The following CFAP58 variants were observed in gnomAD, a reference collection of about 807,000 sequenced individuals.
CFAP58 encodes cilia- and flagella-associated protein 58.
A neutral mutation model predicts 119.5 loss-of-function variants in CFAP58; 88 were observed. That is an observed-to-expected ratio of 0.74 (90% CI 0.62 to 0.88). The LOEUF is 0.88. Among genes scored for constraint, CFAP58 ranks in the 40% least tolerant of loss-of-function variants. The pLI is 0.00. For synonymous variants in CFAP58, 365 were observed against 366.3 expected (o/e 1.00, Z 0.04); for missense variants, 990 against 1,021.2 (o/e 0.97, Z 0.42).
upstream of CFAP58, chr10:104,353,646 T>C (rs2014497013): frequency 7.9e-6 from 4 of 505,386 alleles, no homozygotes; most frequent in South Asian, 8.7e-5. Flanking sequence ...CCCATTGGGA[T>C]ATATTTGCAT....
At chr10:104,344,761 G>C in the CFAP58 span, among the ~76,000 whole-genome samples, 1 of 152,046 alleles carries the variant, frequency 6.6e-6, no homozygotes, top group South Asian at 2.1e-4. Context: ...GCCTCAAAAA[G>C]CACCTGTTCC....
intron 16 of CFAP58, 102 bp downstream of exon 16, chr10:104,447,919 A>C: frequency 7.2e-7 from 1 of 1,395,840 alleles, no homozygotes; most frequent in Non-Finnish European, 9.6e-7. Context: ...CAGTCTCTCA[A>C]TGCCACGATC....
chr10:104,400,901 C>G lies in CFAP58; in HGVS notation c.2037C>G (p.Leu679=). 6.2e-7 allele frequency: 1 copy of G among 1,612,562 alleles called. No individual in the cohort carries two copies. The highest frequency in any genetic ancestry group is 8.5e-7 in the Non-Finnish European group (1 of 1,178,768). ...GGAGTATGGCTAATGTTGAAGAACTCAGGTAATAGATTATAGAACTCAGGG... is the reference window on the plus strand; with the variant it reads ...GGAGTATGGCTAATGTTGAAGAACTGAGGTAATAGATTATAGAACTCAGGG... ...LARSMANVEE[L]RQEFFHMQRE... The change falls in exon 13 of 18, where the codon CTC becomes CTG. Residue 679 remains leucine, a splice_region_variant and synonymous_variant. Transcript: ENST00000369704.
At chr10:104,403,958 C>G in intron 14 of CFAP58, 118 bp downstream of exon 14, 1 of 565,656 alleles carries the variant, frequency 1.8e-6, no homozygotes, top group Non-Finnish European at 3.2e-6. Flanking sequence ...CAAATTGTCA[C>G]CTAAAATGTA....
rs140493035 is a variant in CFAP58 at position 104,381,376 on chromosome 10, T to G, written c.1365+1156T>G. ...AGCATGAGTGGTTAAAATAGTACTC[T>G]CTTTAATGCATTCATAGATGGCATA... On this transcript the variant is annotated intron_variant, in intron 9 of 17. Coordinates refer to ENST00000369704, the MANE Select transcript of CFAP58 (RefSeq NM_001008723.2). 1.9e-3 allele frequency among the ~76,000 whole-genome samples: 285 copies of G among 152,212 alleles called. 1 individual carries two copies. Among genetic ancestry groups the G allele is most frequent in the African/African-American group, 6.7e-3 (278 of 41,474 alleles).
rs2014720739 is a variant in CFAP58 at position 104,364,819 on chromosome 10, T to C, written c.527T>C (p.Leu176Pro). 1 of 1,612,906 alleles carries C rather than the reference T, an allele frequency of 6.2e-7. No individual in the cohort carries two copies. The highest frequency in any genetic ancestry group is 1.7e-5 in the Admixed American group (1 of 59,756). ...LSEVVKLRES[L>P]AQTTEQQQET... The stretch of plus-strand genomic sequence containing the variant: ...GAAGTGGTAAAATTACGAGAATCCC[T>C]AGCTCAGACCACTGAACAGCAGCAG... Residue 176 changes from leucine (L) to proline (P), a missense_variant, in exon 4 of 18, where the codon CTA becomes CCA. By Grantham distance (98) the Leu-to-Pro change is moderately conservative (BLOSUM62 -3). Coordinates refer to ENST00000369704, the MANE Select transcript of CFAP58 (RefSeq NM_001008723.2).
chr10:104,442,136 G>A (rs1196349064), intron 15 of CFAP58, among the ~76,000 whole-genome samples: 1 of 152,048 alleles, frequency 6.6e-6, no homozygotes, highest in African/African-American at 2.4e-5. Flanking sequence ...GGATGGTAGT[G>A]GGGGGATGGA....
chr10:104,437,948 T>C (rs1486624816), intron 15 of CFAP58, among the ~76,000 whole-genome samples: 4 of 151,968 alleles, frequency 2.6e-5, no homozygotes, highest in South Asian at 4.1e-4. Flanking sequence ...CCAGAATATA[T>C]AAATAATTAC....
intron 9 of CFAP58, among the ~76,000 whole-genome samples, chr10:104,389,709 C>A (rs1445095518): frequency 6.6e-6 from 1 of 152,108 alleles, no homozygotes; most frequent in East Asian, 1.9e-4. Context: ...ATCATGCGTG[C>A]TTTTACAGTG....
chr10:104,410,850 C>A (rs2133055054), intron 15 of CFAP58, among the ~76,000 whole-genome samples: 1 of 152,150 alleles, frequency 6.6e-6, no homozygotes, highest in South Asian at 2.1e-4. Context: ...TTTTCTTATT[C>A]TTTTTTCCTA....
At chr10:104,376,096 A>G (rs2011653140) in intron 7 of CFAP58, among the ~76,000 whole-genome samples, 1 of 152,218 alleles carries the variant, frequency 6.6e-6, no homozygotes, top group African/African-American at 2.4e-5. Flanking sequence ...TTTTTCCCAC[A>G]AGAGACTTCG....
At chr10:104,398,083 C>A (rs1182892699) in intron 11 of CFAP58, among the ~76,000 whole-genome samples, 2 of 152,234 alleles carry the variant, frequency 1.3e-5, no homozygotes, top group African/African-American at 2.4e-5. Context: ...CTAACACATA[C>A]CCTTCCATGT....
chr10:104,447,869 G>A (rs1185847488), intron 16 of CFAP58, 52 bp downstream of exon 16: 27 of 1,536,232 alleles, frequency 1.8e-5, no homozygotes, highest in Non-Finnish European at 2.4e-5. Context: ...ACACTCTGGG[G>A]AGCACACCTG....
intron 15 of CFAP58, among the ~76,000 whole-genome samples, chr10:104,434,077 C>A (rs1283867092): frequency 1.3e-5 from 2 of 152,112 alleles, no homozygotes; most frequent in Non-Finnish European, 2.9e-5. Flanking sequence ...AGTGTGTGAT[C>A]CTGGGCAAAT....
intron 15 of CFAP58, among the ~76,000 whole-genome samples, chr10:104,414,211 T>G (rs2133059289): frequency 6.6e-6 from 1 of 152,316 alleles, no homozygotes; most frequent in East Asian, 1.9e-4. Flanking sequence ...ATGCAGATTT[T>G]TATGTTCAAT....
chr10:104,364,948 A>G, intron 4 of CFAP58, 59 bp downstream of exon 4: 1 of 1,556,058 alleles, frequency 6.4e-7, no homozygotes, highest in Non-Finnish European at 8.7e-7. Flanking sequence ...TTGTCCCTCC[A>G]CAGTCTCTAT....
the CFAP58 span, among the ~76,000 whole-genome samples, chr10:104,346,214 C>T: frequency 3.3e-5 from 5 of 152,124 alleles, no homozygotes; most frequent in East Asian, 3.9e-4. Context: ...TCACTCATTA[C>T]CTCTGCACCA....
Position 104,454,433 on chromosome 10 carries a change from C to T in CFAP58, c.2522C>T (p.Thr841Ile). The change falls in exon 18 of 18, where the codon ACA (threonine) becomes ATA (isoleucine). Residue 841 changes from threonine to isoleucine, a missense_variant. By Grantham distance (89) the Thr-to-Ile change is moderately conservative (BLOSUM62 -1). Coordinates refer to ENST00000369704, the MANE Select transcript of CFAP58 (RefSeq NM_001008723.2). ...RKEQLQKNKD[T>I]APMDNTFLMV... ...CTCCTCTCTTACAGAAACAAGGACA[C>T]AGCACCCATGGATAACACCTTCTTA... is the stretch of plus-strand genomic sequence containing the variant. The T allele has an allele frequency of 1.9e-6, 3 of 1,613,296 alleles. No individual in the cohort carries two copies. Among genetic ancestry groups the T allele is most frequent in the Non-Finnish European group, 2.5e-6 (3 of 1,179,322 alleles).
In CFAP58 at chr10:104,447,803, A is replaced by C. The variant is rs1564907801; in HGVS notation, c.2362A>C (p.Lys788Gln). The change falls in exon 16 of 18, where the codon AAG becomes CAG. Residue 788 changes from lysine to glutamine, a missense_variant. Lys to Gln is a moderately conservative substitution (Grantham distance 53, BLOSUM62 1). Coordinates refer to ENST00000369704, the MANE Select transcript of CFAP58 (RefSeq NM_001008723.2). ...GTACCGACGCACGCTGCATGACAAG[A>C]AGCAGCAGCTGAAAGTAAGTGGTAG... ...KLYRRTLHDK[K>Q]QQLKVLSSEL... The C allele has an allele frequency of 6.2e-7, 1 of 1,613,214 alleles. No individual in the cohort carries two copies. Among genetic ancestry groups the C allele is most frequent in the African/African-American group, 1.3e-5 (1 of 75,036 alleles).
Sources: gnomAD v4.1 joint callset for allele counts (sites outside exome capture counted in the v4.1 genomes callset) on GRCh38, gnomAD v4.1.1 for gene constraint, MANE v1.5 for transcripts, NCBI Gene and HGNC (gene_info 2026-07-23, HGNC 2026-07-21) for gene names.